The following AADACL4 variants were observed in gnomAD, a reference collection of about 807,000 sequenced individuals.
The protein encoded by AADACL4 is arylacetamide deacetylase like 4.
AADACL4 carries 9 observed loss-of-function variants against 14.1 expected under a neutral mutation model. The ratio of observed to expected loss-of-function variants is 0.64; its 90% confidence interval spans 0.39 to 1.12. The LOEUF is 1.12. AADACL4 is among the 50% of genes most tolerant of loss of function. The pLI, the probability that AADACL4 is intolerant of heterozygous loss-of-function variation, is 0.01. For missense variants in AADACL4, 531 were observed against 516.1 expected, an observed-to-expected ratio of 1.03 and a Z score of -0.28; for synonymous variants, 188 against 201.6, an observed-to-expected ratio of 0.93 and a Z score of 0.57.
intron 1 of AADACL4, 78 bp from the exon 2 acceptor site, chr1:12,651,044 CA>C: frequency 1.4e-6 from 2 of 1,392,192 alleles, no homozygotes; most frequent in Non-Finnish European, 2.0e-6. Context: ...AACATCCTAA[CA>C]ATTCTAAGTG....
At chr1:12,661,997 C>T (rs1647236318) in intron 3 of AADACL4, 143 bp downstream of exon 3, 1 of 909,036 alleles carries the variant, frequency 1.1e-6, no homozygotes, top group Non-Finnish European at 1.7e-6. Context: ...CGCAGCAGTG[C>T]TCGAAAGAGC....
At chr1:12,663,909 A>C (rs1289640810) in intron 3 of AADACL4, among the ~76,000 whole-genome samples, 1 of 152,196 alleles carries the variant, frequency 6.6e-6, no homozygotes. Context: ...ACCATCTAGG[A>C]AATGGCCAAT....
rs779944375 is a variant in AADACL4 at position 12,651,195 on chromosome 1, A to G, written c.241A>G (p.Ile81Val). The G allele has an allele frequency of 2.5e-6, 4 of 1,614,260 alleles. No individual in the cohort carries two copies. The highest frequency in any genetic ancestry group is 1.7e-5 in the Admixed American group (1 of 60,032). ...FIRFLHDSVRIKKDPELVVTD... is the reference protein window; with the variant it reads ...FIRFLHDSVRVKKDPELVVTD... ...TCGTTTTTTACATGATAGCGTGAGA[A>G]TTAAAAAGGACCCTGAACTTGTGGT... The change falls in exon 2 of 4, where the codon ATT (isoleucine) becomes GTT (valine). Residue 81 changes from isoleucine to valine, a missense_variant. Transcript: ENST00000376221.
intron 2 of AADACL4, among the ~76,000 whole-genome samples, chr1:12,652,842 C>T (rs189409391): frequency 3.5e-4 from 54 of 152,268 alleles, no homozygotes; most frequent in African/African-American, 1.3e-3. Context: ...AATCCAGTGC[C>T]ATGTTGGGTC....
At position 12,666,699 on chromosome 1, in the gene AADACL4, TG is replaced by T. The variant is rs1387936721; in HGVS notation, c.1189del (p.Val397Ter). 3 of 1,612,930 alleles carry T rather than the reference TG, an allele frequency of 1.9e-6. No homozygotes were observed. The highest frequency in any genetic ancestry group is 2.5e-6 in the Non-Finnish European group (3 of 1,179,928). On this transcript the variant is annotated frameshift_variant, in exon 4 of 4. Coordinates refer to ENST00000376221, the MANE Select transcript of AADACL4 (RefSeq NM_001013630.2). LOFTEE classifies it low-confidence loss of function (END_TRUNC). ...TCTCTTTCCCATGTTCCCTGAAGAT[TG>T]TGAATGCTGTAGTCAGTTATATAAA... ...ALSFPCSLKI[V>X]NAVVSYIKGI
At chr1:12,660,101 A>G (rs1331296806) in intron 2 of AADACL4, among the ~76,000 whole-genome samples, 1 of 152,174 alleles carries the variant, frequency 6.6e-6, no homozygotes, top group African/African-American at 2.4e-5. Flanking sequence ...TACAGGAGTG[A>G]GCCACTGTGC....
chr1:12,666,569 G>T lies in AADACL4; in HGVS notation c.1058G>T (p.Ser353Ile). Residue 353 changes from serine to isoleucine, a missense_variant, in exon 4 of 4, where the codon AGC (serine) becomes ATC (isoleucine). Ser to Ile is a moderately radical substitution (Grantham distance 142, BLOSUM62 -2). Coordinates refer to ENST00000376221, the MANE Select transcript of AADACL4 (RefSeq NM_001013630.2). ...SCENDILRDD[S>I]LLYKKRLEDQ... is the part of the protein sequence containing the mutation. ...GAGAATGACATACTCCGTGATGACA[G>T]CTTGCTCTATAAGAAGCGCTTGGAG... The T allele has an allele frequency of 6.2e-7, 1 of 1,614,242 alleles. No homozygotes were observed. Among genetic ancestry groups the T allele is most frequent in the Non-Finnish European group, 8.5e-7 (1 of 1,180,056 alleles).
intron 2 of AADACL4, among the ~76,000 whole-genome samples, chr1:12,660,286 AT>A (rs1188839566): frequency 6.6e-6 from 1 of 152,132 alleles, no homozygotes; most frequent in Non-Finnish European, 1.5e-5. Context: ...TCAACATACA[AT>A]TTTTTGGCAT....
At chr1:12,649,952 A>G (rs1206890670) in intron 1 of AADACL4, among the ~76,000 whole-genome samples, 1 of 152,236 alleles carries the variant, frequency 6.6e-6, no homozygotes, top group African/African-American at 2.4e-5. Flanking sequence ...AACCCTGGGC[A>G]AGGAACTTGA....
In AADACL4 at chr1:12,665,995, CT is replaced by C. The variant is rs763343102; in HGVS notation, c.488del (p.Phe163SerfsTer5). The C allele has an allele frequency of 1.2e-6, 2 of 1,612,652 alleles. No homozygotes were observed. Among genetic ancestry groups the C allele is most frequent in the Admixed American group, 1.7e-5 (1 of 59,906 alleles). On this transcript the variant is annotated frameshift_variant, in exon 4 of 4. Coordinates refer to ENST00000376221, the MANE Select transcript of AADACL4 (RefSeq NM_001013630.2). LOFTEE classifies it low-confidence loss of function (END_TRUNC). ...GCTTCCTGACCACCATTCCCCTGCC[CT>C]TTTCCAAGACTGCATGAATGCCTCC... is the stretch of plus-strand genomic sequence containing the variant. Reference protein sequence around the residue: ...RKLPDHHSPALFQDCMNASIH... With the variant: ...RKLPDHHSPAXFQDCMNASIH...
chr1:12,657,211 C>A (rs1354933089), intron 2 of AADACL4, among the ~76,000 whole-genome samples: 1 of 149,776 alleles, frequency 6.7e-6, no homozygotes, highest in Non-Finnish European at 1.5e-5. Flanking sequence ...TTGAAAATTT[C>A]TCATCTCTGC....
chr1:12,666,130 G>T lies in AADACL4; in HGVS notation c.619G>T (p.Val207Leu). Residue 207 changes from valine to leucine, a missense_variant, in exon 4 of 4, where the codon GTG (valine) becomes TTG (leucine). Transcript: ENST00000376221. The part of the protein sequence containing the change: ...AAVAAITQAL[V>L]GRSDLPRIRA... ...GGTGGCCGCCATCACCCAGGCCTTG[G>T]TGGGCAGATCAGATCTTCCCCGGAT... 1 of 1,614,240 alleles carries T rather than the reference G, an allele frequency of 6.2e-7. No individual in the cohort carries two copies. Among genetic ancestry groups the T allele is most frequent in the Non-Finnish European group, 8.5e-7 (1 of 1,180,046 alleles).
intron 3 of AADACL4, among the ~76,000 whole-genome samples, chr1:12,665,336 C>T (rs957980593): frequency 2.6e-5 from 4 of 152,328 alleles, no homozygotes; most frequent in South Asian, 2.1e-4. Context: ...CATTCTCCTG[C>T]CTCAGCCTCC....
intron 2 of AADACL4, among the ~76,000 whole-genome samples, chr1:12,658,139 C>CTTTCTTTCTTT (rs1647196704): frequency 3.5e-5 from 3 of 84,858 alleles, no homozygotes; most frequent in African/African-American, 1.4e-4. Context: ...TTCCTTCCTT[C>CTTTCTTTCTTT]CTTTCTTTCT....
chr1:12,651,086 C>G (rs749930578), intron 1 of AADACL4, 37 bp from the exon 2 acceptor site: 1 of 1,584,962 alleles, frequency 6.3e-7, no homozygotes, highest in Non-Finnish European at 8.7e-7. Flanking sequence ...ATTCTAACCT[C>G]TCCTAACGTC....
chr1:12,648,015 G>A (rs1647122242), intron 1 of AADACL4, among the ~76,000 whole-genome samples: 1 of 151,942 alleles, frequency 6.6e-6, no homozygotes, highest in Non-Finnish European at 1.5e-5. Flanking sequence ...ACCCAGGCTG[G>A]AGTGCAGTTG....
chr1:12,665,815 C>T (rs1312262088), intron 3 of AADACL4, 146 bp from the exon 4 acceptor site: 1 of 909,402 alleles, frequency 1.1e-6, no homozygotes, highest in African/African-American at 1.7e-5. Flanking sequence ...CATAGGAAGA[C>T]AATGGGGATA....
At position 12,644,157 on chromosome 1, in the gene AADACL4, C is replaced by T. The variant is rs901765618; in HGVS notation, c.-390C>T. Among the ~76,000 whole-genome samples, 3 of 152,182 alleles carry T rather than the reference C, an allele frequency of 2.0e-5. No individual in the cohort carries two copies. Among genetic ancestry groups the T allele is most frequent in the African/African-American group, 4.8e-5 (2 of 41,442 alleles). Reference sequence around the variant, plus strand: ...ACCACACTCTGACAAGGAAAGCTGGCGAAGTCTCTTATCTTACAGTTGAAA... The same window carrying T: ...ACCACACTCTGACAAGGAAAGCTGGTGAAGTCTCTTATCTTACAGTTGAAA... On this transcript the variant is annotated 5_prime_UTR_variant, in exon 1 of 4. Coordinates refer to ENST00000376221, the MANE Select transcript of AADACL4 (RefSeq NM_001013630.2).
At chr1:12,652,970 ATTC>A (rs371942512) in intron 2 of AADACL4, among the ~76,000 whole-genome samples, 1 of 152,158 alleles carries the variant, frequency 6.6e-6, no homozygotes, top group African/African-American at 2.4e-5. Context: ...GGAATTTTCT[ATTC>A]TTCTGCGACC....
Sources: allele counts gnomAD v4.1 joint callset (sites outside exome capture counted in the v4.1 genomes callset), GRCh38; gene constraint gnomAD v4.1.1; transcripts MANE v1.5; gene names NCBI Gene and HGNC (gene_info 2026-07-23, HGNC 2026-07-21).